Variants in UIMC1 observed in about 807,000 individuals in gnomAD.
UIMC1 encodes ubiquitin interaction motif containing 1, also known as BRCA1-A complex subunit RAP80.
In UIMC1, 42 loss-of-function variants were observed where a neutral mutation model predicts 84.9. The observed-to-expected ratio is 0.49, with a 90% CI of 0.39 to 0.64. The LOEUF is 0.64. Ranked by LOEUF, UIMC1 falls within the 30% of genes least tolerant of loss-of-function variation. The pLI is 0.00. For missense variants in UIMC1, 825 were observed against 847.6 expected (o/e 0.97, Z 0.33); for synonymous variants, 281 against 293.0 (o/e 0.96, Z 0.42).
At chr5:176,921,002 C>G (rs959199882) in intron 10 of UIMC1, among the ~76,000 whole-genome samples, 1 of 152,160 alleles carries the variant, frequency 6.6e-6, no homozygotes, top group African/African-American at 2.4e-5. Context: ...GTATTGAATT[C>G]TCTCAAATGC....
rs533096470 is a variant in UIMC1 at position 176,960,031 on chromosome 5, TCAAA to T, written c.1201-1881_1201-1878del. The stretch of plus-strand genomic sequence containing the variant: ...GGATGACAAGAGTGAAAACTCTGTC[TCAAA>T]CAAACAAAATTATTGTGCTTCTATT... On this transcript the variant is annotated intron_variant, in intron 6 of 14. Coordinates refer to ENST00000511320, the MANE Select transcript of UIMC1 (RefSeq NM_001199298.2). Among the ~76,000 whole-genome samples the T allele has an allele frequency of 1.6e-3, 250 of 152,324 alleles. 2 individuals are homozygous for T. Among genetic ancestry groups the T allele is most frequent in the Non-Finnish European group, 9.4e-4 (64 of 68,030 alleles).
At chr5:176,905,860 G>T in intron 14 of UIMC1, 151 bp downstream of exon 14, 1 of 775,466 alleles carries the variant, frequency 1.3e-6, no homozygotes, top group Non-Finnish European at 2.1e-6. Flanking sequence ...TAAATGGGGA[G>T]CACAGAGTCA....
intron 1 of UIMC1, among the ~76,000 whole-genome samples, chr5:176,995,105 T>C (rs548377351): frequency 2.0e-5 from 3 of 152,246 alleles, no homozygotes; most frequent in Non-Finnish European, 2.9e-5. Flanking sequence ...CTTGTTTTTC[T>C]CTTTTTAACT....
intron 1 of UIMC1, among the ~76,000 whole-genome samples, chr5:176,984,556 G>A (rs964483640): frequency 1.1e-4 from 16 of 151,752 alleles, no homozygotes; most frequent in East Asian, 3.9e-4. Context: ...GCCTCTGCCC[G>A]GCCGCCCCAT....
At chr5:176,933,737 T>C (rs1040847369) in intron 10 of UIMC1, among the ~76,000 whole-genome samples, 4 of 152,040 alleles carry the variant, frequency 2.6e-5, no homozygotes, top group Admixed American at 1.3e-4. Flanking sequence ...TGTCTTCCTA[T>C]GTTGCTCAGG....
Position 176,926,547 on chromosome 5 carries a change from G to A in UIMC1, c.1598-15158C>T, listed in dbSNP as rs973889136. Among the ~76,000 whole-genome samples the A allele has an allele frequency of 5.9e-5, 9 of 152,112 alleles. No individual in the cohort carries two copies. The South Asian group carries it at 1.9e-3, about 32-fold the overall frequency. ...AGCTACTAGGGAGGCTGAGGTGGGA[G>A]GACTGCTGGAGCCCAGGAGTTCAAG... is the stretch of plus-strand genomic sequence containing the variant. On this transcript the variant is annotated intron_variant, in intron 10 of 14. Transcript: ENST00000511320.
intron 11 of UIMC1, among the ~76,000 whole-genome samples, chr5:176,910,707 T>TGCAGAAGTGGAGTGGGTG (rs1249603656): frequency 2.0e-5 from 3 of 152,130 alleles, no homozygotes; most frequent in Middle Eastern, 3.2e-3. Flanking sequence ...CTAAGAGCAA[T>TGCAGAAGTGGAGTGGGTG]GCAGAAGTGG....
At chr5:176,974,425 A>C (rs1219155958) in intron 3 of UIMC1, among the ~76,000 whole-genome samples, 2 of 152,228 alleles carry the variant, frequency 1.3e-5, no homozygotes, top group African/African-American at 2.4e-5. Context: ...GCTAAAGCTA[A>C]AACTATAAAA....
chr5:176,945,347 C>T (rs1000606453), intron 9 of UIMC1, among the ~76,000 whole-genome samples: 1 of 152,210 alleles, frequency 6.6e-6, no homozygotes, highest in Non-Finnish European at 1.5e-5. Context: ...CAGTGGCTCA[C>T]ATCTGTAATC....
chr5:176,955,956 T>C lies in UIMC1; in HGVS notation c.1339+3A>G. Reference sequence around the variant, plus strand: ...TTCAGTAAAATCACAGTGGGGTACTTACCAGGACAAACAGTGATTTCTTCT... The same window carrying C: ...TTCAGTAAAATCACAGTGGGGTACTCACCAGGACAAACAGTGATTTCTTCT... On this transcript the variant is annotated splice_donor_region_variant and intron_variant, in intron 8 of 14. Transcript: ENST00000511320. 6.2e-7 allele frequency: 1 copy of C among 1,613,490 alleles called. No homozygotes were observed. Among genetic ancestry groups the C allele is most frequent in the South Asian group, 1.1e-5 (1 of 91,004 alleles).
intron 10 of UIMC1, among the ~76,000 whole-genome samples, chr5:176,924,905 T>C (rs540329344): frequency 1.6e-3 from 245 of 151,278 alleles, no homozygotes; most frequent in African/African-American, 5.7e-3. Context: ...CGGGCACACA[T>C]CTGTAGTCTC....
At chr5:176,975,255 T>C (rs550588887) in intron 3 of UIMC1, 141 bp downstream of exon 3, 23 of 765,940 alleles carry the variant, frequency 3.0e-5, no homozygotes, top group African/African-American at 9.0e-5. Flanking sequence ...CTTACAACAA[T>C]AGCAACAAAA....
At chr5:176,959,691 G>A (rs1447197338) in intron 6 of UIMC1, among the ~76,000 whole-genome samples, 1 of 145,660 alleles carries the variant, frequency 6.9e-6, no homozygotes, top group Non-Finnish European at 1.5e-5. Context: ...ACTCCAGCCT[G>A]GGCGACAGAG....
At chr5:176,981,233 C>T (rs906638609) in intron 2 of UIMC1, among the ~76,000 whole-genome samples, 9 of 151,030 alleles carry the variant, frequency 6.0e-5, no homozygotes, top group African/African-American at 2.2e-4. Context: ...CAAGCTTCGC[C>T]TCCAGGGTTC....
At chr5:176,985,260 A>C (rs1771786650) in intron 1 of UIMC1, among the ~76,000 whole-genome samples, 1 of 152,050 alleles carries the variant, frequency 6.6e-6, no homozygotes, top group Non-Finnish European at 1.5e-5. Flanking sequence ...GTTGGAGACT[A>C]TCCTGGCCAA....
chr5:176,951,385 A>G, intron 9 of UIMC1, 89 bp downstream of exon 9: 1 of 1,037,220 alleles, frequency 9.6e-7, no homozygotes, highest in Non-Finnish European at 1.3e-6. Flanking sequence ...TGCCACCTAA[A>G]TCTTTTCAGC....
chr5:177,012,015 T>C (rs925084391), intron 1 of UIMC1, among the ~76,000 whole-genome samples: 7 of 152,138 alleles, frequency 4.6e-5, no homozygotes, highest in African/African-American at 1.7e-4. Context: ...TTAGACAGGA[T>C]AGTCTCGATC....
chr5:176,991,382 G>A (rs1486617361), intron 1 of UIMC1, among the ~76,000 whole-genome samples: 1 of 151,864 alleles, frequency 6.6e-6, no homozygotes, highest in East Asian at 1.9e-4. Flanking sequence ...TACCCAAAGA[G>A]CAAATCTCTT....
In UIMC1 at chr5:176,905,468, C is replaced by T. The variant is rs1449422888; in HGVS notation, c.1974G>A (p.Glu658=). The change falls in exon 15 of 15, where the codon GAG becomes GAA. Residue 658 remains glutamate (E), a synonymous_variant. Coordinates refer to ENST00000511320, the MANE Select transcript of UIMC1 (RefSeq NM_001199298.2). The part of the protein sequence containing the change: ...AFRVPSPGME[E]AGCSREMQSS... ...TCTGCATCTCTCTGCTGCAGCCTGC[C>T]TCTTCCATCCCTGGTGAAGGCACCC... The T allele has an allele frequency of 3.1e-6, 5 of 1,613,938 alleles. No individual in the cohort carries two copies. The highest frequency in any genetic ancestry group is 4.2e-6 in the Non-Finnish European group (5 of 1,180,002).
Sources: allele counts gnomAD v4.1 joint callset (sites outside exome capture counted in the v4.1 genomes callset), GRCh38; gene constraint gnomAD v4.1.1; transcripts MANE v1.5; gene names NCBI Gene and HGNC (gene_info 2026-07-23, HGNC 2026-07-21).